Variants in SLC4A5 observed in about 807,000 individuals in gnomAD.
SLC4A5 encodes the protein solute carrier family 4 member 5.
In SLC4A5, 96 loss-of-function variants were observed where a neutral mutation model predicts 120.4. The observed-to-expected ratio is 0.80, with a 90% CI of 0.68 to 0.94. The LOEUF is 0.94. SLC4A5 is among the 40% of genes least tolerant of loss of function. The pLI, the probability that SLC4A5 is intolerant of heterozygous loss-of-function variation, is 0.00. For synonymous variants in SLC4A5, 550 were observed against 571.1 expected, an observed-to-expected ratio of 0.96 and a Z score of 0.53; for missense variants, 1,259 against 1,459.5, an observed-to-expected ratio of 0.86 and a Z score of 2.24.
chr2:74,252,312 C>G lies in SLC4A5; in HGVS notation c.1345G>C (p.Gly449Arg). 3 of 1,613,304 alleles carry G rather than the reference C, an allele frequency of 1.9e-6. No homozygotes were observed. Among genetic ancestry groups the G allele is most frequent in the South Asian group, 1.1e-5 (1 of 91,084 alleles). ...CCACCACCACCACCACCTCCATTGC[C>G]TCCTCCAGGAGCTCCGCCGCCTCCT... The change falls in exon 16 of 31, where the codon GGC becomes CGC. Residue 449 changes from glycine to arginine, a missense_variant. Transcript: ENST00000394019.
At chr2:74,235,816 A>C (rs1670250039) in intron 21 of SLC4A5, among the ~76,000 whole-genome samples, 1 of 152,060 alleles carries the variant, frequency 6.6e-6, no homozygotes, top group Non-Finnish European at 1.5e-5. Context: ...TCCTAGACCA[A>C]GTTCTGAACC....
At chr2:74,232,419 C>T (rs375171219) in intron 24 of SLC4A5, 50 bp downstream of exon 24, 13 of 1,575,730 alleles carry the variant, frequency 8.3e-6, no homozygotes, top group South Asian at 2.3e-5. Flanking sequence ...TTCTCCTCCC[C>T]GAGTGGGCCC....
At chr2:74,284,325 C>T (rs866600062) in intron 8 of SLC4A5, among the ~76,000 whole-genome samples, 5 of 117,194 alleles carry the variant, frequency 4.3e-5, no homozygotes, top group Non-Finnish European at 7.9e-5. Flanking sequence ...TACAGGCGCC[C>T]GCCACCGCGC....
chr2:74,288,433 C>T (rs1304768236), intron 7 of SLC4A5, among the ~76,000 whole-genome samples: 1 of 152,206 alleles, frequency 6.6e-6, no homozygotes, highest in Non-Finnish European at 1.5e-5. Flanking sequence ...CACTGAGAAG[C>T]TATGGTCTGG....
chr2:74,313,293 T>C (rs574185214), intron 6 of SLC4A5, among the ~76,000 whole-genome samples: 1 of 152,350 alleles, frequency 6.6e-6, no homozygotes, highest in Admixed American at 6.5e-5. Flanking sequence ...GACTTTGCAA[T>C]ATACAGTTAG....
At chr2:74,329,870 G>T (rs1034998019) in intron 4 of SLC4A5, among the ~76,000 whole-genome samples, 3 of 151,764 alleles carry the variant, frequency 2.0e-5, no homozygotes, top group African/African-American at 7.3e-5. Context: ...GTGAATGGAG[G>T]TGGTGAGGTT....
At chr2:74,275,064 T>C (rs550024456) in intron 8 of SLC4A5, among the ~76,000 whole-genome samples, 15 of 152,316 alleles carry the variant, frequency 9.8e-5, no homozygotes, top group African/African-American at 3.1e-4. Flanking sequence ...GTCTTTCCTT[T>C]TGGTGGCCTA....
At chr2:74,338,474 A>C (rs553765896) in intron 3 of SLC4A5, among the ~76,000 whole-genome samples, 1 of 152,222 alleles carries the variant, frequency 6.6e-6, no homozygotes, top group Non-Finnish European at 1.5e-5. Flanking sequence ...TGAGATGCAG[A>C]TAAGCACAGC....
At chr2:74,337,860 A>T (rs923401700) in intron 3 of SLC4A5, among the ~76,000 whole-genome samples, 1 of 152,184 alleles carries the variant, frequency 6.6e-6, no homozygotes, top group Non-Finnish European at 1.5e-5. Context: ...GCAGTAAATT[A>T]TGTGGTTATT....
intron 20 of SLC4A5, 93 bp downstream of exon 20, chr2:74,241,901 G>A (rs1291246490): frequency 8.7e-7 from 1 of 1,153,256 alleles, no homozygotes; most frequent in Non-Finnish European, 1.3e-6. Flanking sequence ...GCAAGTCTGG[G>A]AGGCCATAAG....
intron 21 of SLC4A5, among the ~76,000 whole-genome samples, chr2:74,236,210 T>C (rs1410768543): frequency 6.6e-6 from 1 of 152,230 alleles, no homozygotes; most frequent in Admixed American, 6.5e-5. Flanking sequence ...CTAATATGCA[T>C]ATACTTTAAT....
At chr2:74,250,482 T>C in exon 17 of SLC4A5, 2 of 1,614,156 alleles carry the variant, frequency 1.2e-6, no homozygotes, top group Non-Finnish European at 1.7e-6. Context: ...CCAGGGCAAC[T>C]TCCTCTTGAT....
Position 74,266,938 on chromosome 2 carries a change from C to CAAA in SLC4A5, c.402-1677_402-1675dup, listed in dbSNP as rs1047198193. ...AAAATATCTGCAACAAAGAAAGCAT[C>CAAA]AAAATACTAATATTTATAACAATGC... On this transcript the variant is annotated intron_variant, in intron 8 of 30. Coordinates refer to ENST00000394019, the Ensembl canonical transcript of SLC4A5. 4.4e-4 allele frequency among the ~76,000 whole-genome samples: 67 copies of CAAA among 152,140 alleles called. 1 individual carries two copies. The highest frequency in any genetic ancestry group is 3.7e-3 in the Admixed American group (57 of 15,284).
intron 8 of SLC4A5, among the ~76,000 whole-genome samples, chr2:74,267,417 T>C (rs899564022): frequency 2.0e-5 from 3 of 152,242 alleles, no homozygotes; most frequent in Admixed American, 6.5e-5. Context: ...AGTAGAAGCA[T>C]GATTACATCA....
At chr2:74,223,939 A>C (rs1034816038) in intron 28 of SLC4A5, among the ~76,000 whole-genome samples, 9 of 152,240 alleles carry the variant, frequency 5.9e-5, no homozygotes, top group Non-Finnish European at 1.0e-4. Context: ...AGAACAGGAC[A>C]GGGTGGATGC....
chr2:74,241,952 A>C, intron 20 of SLC4A5, 42 bp downstream of exon 20: 1 of 1,577,306 alleles, frequency 6.3e-7, no homozygotes, highest in South Asian at 1.1e-5. Flanking sequence ...CCTCCTACAA[A>C]CAAAAGCACT....
chr2:74,303,284 C>T (rs1672532400), intron 7 of SLC4A5, among the ~76,000 whole-genome samples: 1 of 152,086 alleles, frequency 6.6e-6, no homozygotes, highest in South Asian at 2.1e-4. Context: ...GAGGGCTCTG[C>T]AGGGTTGGGG....
exon 27 of SLC4A5, chr2:74,227,029 C>T: frequency 2.5e-6 from 4 of 1,614,178 alleles, no homozygotes; most frequent in Non-Finnish European, 2.5e-6. Context: ...GGATCTGCAC[C>T]AGGGTGAAGA....
intron 2 of SLC4A5, among the ~76,000 whole-genome samples, chr2:74,340,290 A>C (rs1673595176): frequency 6.6e-6 from 1 of 152,268 alleles, no homozygotes; most frequent in African/African-American, 2.4e-5. Flanking sequence ...TTAATCACAA[A>C]GAGCTGTGTT....
Sources: gnomAD v4.1 joint callset for allele counts (sites outside exome capture counted in the v4.1 genomes callset) on GRCh38, gnomAD v4.1.1 for gene constraint, MANE v1.5 for transcripts, NCBI Gene and HGNC (gene_info 2026-07-23, HGNC 2026-07-21) for gene names.